The following HSBP1L1 variants were observed in gnomAD, a reference collection of about 807,000 sequenced individuals.
HSBP1L1 encodes heat shock factor-binding protein 1-like protein 1.
Under a neutral mutation model 9.7 loss-of-function variants are expected in HSBP1L1, and 8 were observed. The observed-to-expected ratio is 0.82, with a 90% CI of 0.48 to 1.48. HSBP1L1 has a LOEUF of 1.48. HSBP1L1 is among the 40% of genes most tolerant of loss of function. The probability of loss-of-function intolerance (pLI) is 0.00; values close to 1 mark genes in which losing one functional copy is unlikely to be tolerated. For synonymous variants in HSBP1L1, 39 were observed against 34.4 expected (o/e 1.13, Z -0.46); for missense variants, 106 against 95.8 (o/e 1.11, Z -0.44).
At chr18:79,968,057 C>G in intron 2 of HSBP1L1, 32 bp from the exon 3 acceptor site, 1 of 1,416,410 alleles carries the variant, frequency 7.1e-7, no homozygotes, top group Non-Finnish European at 9.7e-7. Flanking sequence ...GCTCTGGACT[C>G]CAGCTCTACG....
intron 3 of HSBP1L1, 111 bp from the exon 4 acceptor site, chr18:79,970,329 A>T: frequency 1.4e-6 from 1 of 704,476 alleles, no homozygotes; most frequent in Non-Finnish European, 2.7e-6. Flanking sequence ...TATGATTTCA[A>T]CTGTACTGCA....
At chr18:79,966,588 T>A in intron 1 of HSBP1L1, 24 bp from the exon 2 acceptor site, 1 of 1,512,234 alleles carries the variant, frequency 6.6e-7, no homozygotes, top group South Asian at 1.2e-5. Flanking sequence ...ATTTATTCAA[T>A]TGTCTTACGG....
At chr18:79,970,262 G>A (rs1055390272) in intron 3 of HSBP1L1, 178 bp from the exon 4 acceptor site, 2 of 570,556 alleles carry the variant, frequency 3.5e-6, no homozygotes, top group African/African-American at 1.8e-5. Flanking sequence ...TTAAGTCAGG[G>A]CAAGGTAGAC....
In HSBP1L1 at chr18:79,964,645, A is replaced by C; in HGVS notation, c.-91A>C. 2.9e-6 allele frequency: 2 copies of C among 688,222 alleles called. No individual in the cohort carries two copies. Among genetic ancestry groups the C allele is most frequent in the Non-Finnish European group, 4.4e-6 (2 of 454,198 alleles). 42.6% of individuals were successfully genotyped at this position (688,222 alleles called of 1,614,324 possible). A position where few individuals can be genotyped will look rare whatever the true frequency, so the allele number is the denominator to read the frequency against. Reference sequence around the variant, plus strand: ...CGCCCGAGGCCTCCCGGCGGCCCATACGGGAATCGCGGAGCTTAGCTGTCG... The same window carrying C: ...CGCCCGAGGCCTCCCGGCGGCCCATCCGGGAATCGCGGAGCTTAGCTGTCG... On this transcript the variant is annotated 5_prime_UTR_variant, in exon 1 of 4. Transcript: ENST00000451882.
At chr18:79,968,264 T>C (rs1190057326) in intron 3 of HSBP1L1, 81 bp downstream of exon 3, 1 of 824,620 alleles carries the variant, frequency 1.2e-6, no homozygotes, top group African/African-American at 1.7e-5. Context: ...CCCATATTTG[T>C]TCACTATGGG....
Position 79,968,156 on chromosome 18 carries a change from C to T in HSBP1L1, c.186C>T (p.Gly62=), listed in dbSNP as rs775206821. 3 of 1,546,556 alleles carry T rather than the reference C, an allele frequency of 1.9e-6. No individual in the cohort carries two copies. The South Asian group carries it at 3.6e-5, about 19-fold the overall frequency. The change falls in exon 3 of 4, where the codon GGC becomes GGT. Residue 62 remains glycine (G), a synonymous_variant. Transcript: ENST00000451882. ...TCAAGGACTTAATGGTGCAAGCTGG[C>T]ATTGAAAATTCTATTAAAGAACAAA... The part of the protein sequence containing the change: ...KNVKDLMVQA[G]IENSIKEQML...
chr18:79,966,566 C>A, intron 1 of HSBP1L1, 46 bp from the exon 2 acceptor site: 2 of 1,389,962 alleles, frequency 1.4e-6, no homozygotes, highest in Non-Finnish European at 2.0e-6. Context: ...AACTCATATG[C>A]CAACAGTAAA....
rs1274282374 is a variant in HSBP1L1 at position 79,966,653 on chromosome 18, T to C, written c.93T>C (p.Ala31=). Residue 31 remains alanine (A), a synonymous_variant, in exon 2 of 4, where the codon GCT becomes GCC. Coordinates refer to ENST00000451882, the MANE Select transcript of HSBP1L1 (RefSeq NM_001136180.2). ...LFQELQEHFQ[A]LTATLNLRME... ...AGGAACTTCAGGAACATTTTCAAGC[T>C]CTGACGGCAACATTAAACCTCAGAA... 2 of 1,550,762 alleles carry C rather than the reference T, an allele frequency of 1.3e-6. No individual in the cohort carries two copies. Among genetic ancestry groups the C allele is most frequent in the East Asian group, 4.9e-5 (2 of 40,912 alleles).
In HSBP1L1 at chr18:79,970,487, C is replaced by T. The variant is rs1389158187; in HGVS notation, c.*36C>T. On this transcript the variant is annotated 3_prime_UTR_variant, in exon 4 of 4. Coordinates refer to ENST00000451882, the MANE Select transcript of HSBP1L1 (RefSeq NM_001136180.2). The stretch of plus-strand genomic sequence containing the variant: ...TCTGTATTTGGAGATGGGGCCTCTA[C>T]AGAAGTCATTAAGGTTACATCGGTC... 1 of 718,412 alleles carries T rather than the reference C, an allele frequency of 1.4e-6. No homozygotes were observed. Among genetic ancestry groups the T allele is most frequent in the Non-Finnish European group, 2.6e-6 (1 of 384,966 alleles). The allele number at this position is 718,412 out of a possible 1,614,324, so 44.5% of individuals were successfully genotyped here.
At position 79,970,575 on chromosome 18, in the gene HSBP1L1, C is replaced by CT; in HGVS notation, c.*125dup. On this transcript the variant is annotated 3_prime_UTR_variant, in exon 4 of 4. Transcript: ENST00000451882. Reference sequence around the variant, plus strand: ...CTGAGAAGAGACGCAAGGGGCTCGCCTGCTCTCCCCTCCGTGCCTGCACCA... The same window carrying CT: ...CTGAGAAGAGACGCAAGGGGCTCGCCTTGCTCTCCCCTCCGTGCCTGCACCA... The CT allele has an allele frequency of 1.7e-6, 1 of 596,400 alleles. No individual in the cohort carries two copies. Among genetic ancestry groups the CT allele is most frequent in the Non-Finnish European group, 3.1e-6 (1 of 321,540 alleles). The allele number at this position is 596,400 out of a possible 1,614,324, so 36.9% of individuals were successfully genotyped here. A position where few individuals can be genotyped will look rare whatever the true frequency, so the allele number is the denominator to read the frequency against.
chr18:79,965,234 C>A (rs1345261099), intron 1 of HSBP1L1, among the ~76,000 whole-genome samples: 1 of 152,210 alleles, frequency 6.6e-6, no homozygotes, highest in Non-Finnish European at 1.5e-5. Flanking sequence ...GAAATCCTCC[C>A]GCTCCCCAGG....
chr18:79,969,709 A>C (rs1308114277), intron 3 of HSBP1L1, among the ~76,000 whole-genome samples: 1 of 151,706 alleles, frequency 6.6e-6, no homozygotes, highest in East Asian at 1.9e-4. Flanking sequence ...TGAAAGTCTT[A>C]AAGCAGTATG....
Position 79,964,779 on chromosome 18 carries a change from G to A in HSBP1L1, c.44G>A (p.Arg15Gln). The A allele has an allele frequency of 7.2e-7, 1 of 1,398,572 alleles. No homozygotes were observed. Among genetic ancestry groups the A allele is most frequent in the Non-Finnish European group, 9.3e-7 (1 of 1,075,806 alleles). 86.6% of individuals were successfully genotyped at this position (1,398,572 alleles called of 1,614,324 possible). ...GAAGCCCCCGGCGGGCGCGCGCTGC[G>A]GGACGCGGTGAGCCCCTCCCCGACT... is the stretch of plus-strand genomic sequence containing the variant. ...GPEAPGGRAL[R>Q]DAAENLFQEL... The change falls in exon 1 of 4, where the codon CGG becomes CAG. Residue 15 changes from arginine to glutamine, a missense_variant. Transcript: ENST00000451882.
rs757201263 is a variant in HSBP1L1, at chr18:79,968,106, C to T, written c.136C>T (p.Arg46Cys). 1.3e-5 allele frequency: 20 copies of T among 1,548,832 alleles called. No individual in the cohort carries two copies. Among genetic ancestry groups the T allele is most frequent in the South Asian group, 1.2e-4 (10 of 83,960 alleles). ...CACTGTACTGGAAGAAATGGGAAAT[C>T]GCATTGAGGACTTACAGAAGAATGT... ...LNLRMEEMGN[R>C]IEDLQKNVKD... is the part of the protein sequence containing the mutation. The change falls in exon 3 of 4, where the codon CGC becomes TGC. Residue 46 changes from arginine (R) to cysteine (C), a missense_variant. Transcript: ENST00000451882.
At chr18:79,969,649 A>G (rs1051811451) in intron 3 of HSBP1L1, among the ~76,000 whole-genome samples, 18 of 152,276 alleles carry the variant, frequency 1.2e-4, no homozygotes, top group African/African-American at 3.6e-4. Context: ...CAGACACCTA[A>G]CCAAGTTTCC....
Position 79,968,093 on chromosome 18 carries a change from A to C in HSBP1L1, c.123A>C (p.Glu41Asp). 1 of 1,547,020 alleles carries C rather than the reference A, an allele frequency of 6.5e-7. No homozygotes were observed. Among genetic ancestry groups the C allele is most frequent in the Non-Finnish European group, 8.8e-7 (1 of 1,142,840 alleles). Reference sequence around the variant, plus strand: ...CAGAGCGCCTTAACACTGTACTGGAAGAAATGGGAAATCGCATTGAGGACT... The same window carrying C: ...CAGAGCGCCTTAACACTGTACTGGACGAAATGGGAAATCGCATTGAGGACT... ...ALTATLNLRM[E>D]EMGNRIEDLQ... The change falls in exon 3 of 4, where the codon GAA becomes GAC. Residue 41 changes from glutamate to aspartate, a missense_variant. Physicochemically the swap from Glu to Asp is conservative, Grantham distance 45 (BLOSUM62 2). Transcript: ENST00000451882.
In HSBP1L1 at chr18:79,970,642, A is replaced by G. The variant is rs2051291929; in HGVS notation, c.*191A>G. ...GCAAGCCAAGGAGAGCCCTCCCCAG[A>G]AATCACACGGACCAGCACCTTGATC... On this transcript the variant is annotated 3_prime_UTR_variant, in exon 4 of 4. Coordinates refer to ENST00000451882, the MANE Select transcript of HSBP1L1 (RefSeq NM_001136180.2). 5.1e-6 allele frequency: 3 copies of G among 590,170 alleles called. No individual in the cohort carries two copies. The highest frequency in any genetic ancestry group is 9.2e-6 in the Non-Finnish European group (3 of 324,520). The allele number at this position is 590,170 out of a possible 1,614,324, so 36.6% of individuals were successfully genotyped here.
Position 79,966,056 on chromosome 18 carries a change from C to A in HSBP1L1, c.52-556C>A, listed in dbSNP as rs967349138. On this transcript the variant is annotated intron_variant, in intron 1 of 3. Transcript: ENST00000451882. ...ACGCCATTCTCCTGCCTCAGCCTCC[C>A]GAGTAGCTGGGACTACAGGCGCCCG... 5.3e-5 allele frequency among the ~76,000 whole-genome samples: 8 copies of A among 151,952 alleles called. 1 individual carries two copies. Among genetic ancestry groups the A allele is most frequent in the Non-Finnish European group, 1.2e-4 (8 of 67,898 alleles).
At chr18:79,966,229 C>A (rs2051256495) in intron 1 of HSBP1L1, among the ~76,000 whole-genome samples, 1 of 152,062 alleles carries the variant, frequency 6.6e-6, no homozygotes, top group Non-Finnish European at 1.5e-5. Context: ...CCGCGCCCGG[C>A]CTTATCCCAT....
Sources: gnomAD v4.1 joint callset for allele counts (sites outside exome capture counted in the v4.1 genomes callset) on GRCh38, gnomAD v4.1.1 for gene constraint, MANE v1.5 for transcripts, NCBI Gene and HGNC (gene_info 2026-07-23, HGNC 2026-07-21) for gene names.